The following ATF7IP variants were observed in gnomAD, a reference collection of about 807,000 sequenced individuals.
ATF7IP encodes activating transcription factor 7 interacting protein, also known as activating transcription factor 7-interacting protein 1.
Under a neutral mutation model 106.4 loss-of-function variants are expected in ATF7IP, and 23 were observed. The observed-to-expected ratio is 0.22, with a 90% CI of 0.16 to 0.31. ATF7IP has a LOEUF of 0.31. Ranked by LOEUF, ATF7IP falls within the 10% of genes least tolerant of loss-of-function variation. The pLI is 1.00. For missense variants in ATF7IP, 1,334 were observed against 1,524.3 expected, an observed-to-expected ratio of 0.88 and a Z score of 2.08; for synonymous variants, 542 against 539.0, an observed-to-expected ratio of 1.01 and a Z score of -0.08.
At chr12:14,472,802 A>G (rs746363823) in intron 10 of ATF7IP, among the ~76,000 whole-genome samples, 2 of 144,052 alleles carry the variant, frequency 1.4e-5, no homozygotes, top group Admixed American at 7.0e-5. Context: ...AGTCATCCAT[A>G]TATGTATATG....
At chr12:14,470,732 G>T (rs1390316991) in intron 10 of ATF7IP, among the ~76,000 whole-genome samples, 1 of 152,174 alleles carries the variant, frequency 6.6e-6, no homozygotes, top group Non-Finnish European at 1.5e-5. Context: ...AATTGGAGTA[G>T]TGCTAGCTAT....
chr12:14,453,301 A>T (rs534523804), intron 6 of ATF7IP, among the ~76,000 whole-genome samples: 73 of 152,188 alleles, frequency 4.8e-4, no homozygotes, highest in African/African-American at 1.5e-3. Context: ...GTCTTCCTTT[A>T]CTTCCCTTAT....
chr12:14,474,438 C>T (rs1321388654), intron 10 of ATF7IP, among the ~76,000 whole-genome samples: 6 of 147,150 alleles, frequency 4.1e-5, no homozygotes, highest in African/African-American at 1.3e-4. Flanking sequence ...TCTTGCTCTG[C>T]CACCTAGGCT....
chr12:14,382,929 T>C (rs1019876852), intron 1 of ATF7IP, among the ~76,000 whole-genome samples: 5 of 152,176 alleles, frequency 3.3e-5, no homozygotes, highest in South Asian at 2.1e-4. Flanking sequence ...TAGGGTAATA[T>C]AGGTTGAATC....
intron 1 of ATF7IP, among the ~76,000 whole-genome samples, chr12:14,384,205 T>C (rs1047263327): frequency 2.6e-5 from 4 of 152,132 alleles, no homozygotes; most frequent in Admixed American, 2.6e-4. Context: ...AGTAAATACC[T>C]ATATTTAGTG....
chr12:14,429,921 A>G (rs1173317649), intron 2 of ATF7IP, among the ~76,000 whole-genome samples: 2 of 152,196 alleles, frequency 1.3e-5, no homozygotes, highest in African/African-American at 2.4e-5. Flanking sequence ...TCAAATGAGT[A>G]CTGTTGTCCA....
At position 14,460,691 on chromosome 12, in the gene ATF7IP, G is replaced by A. The variant is rs751341304; in HGVS notation, c.2355G>A (p.Leu785=). 1 of 1,614,174 alleles carries A rather than the reference G, an allele frequency of 6.2e-7. No homozygotes were observed. Among genetic ancestry groups the A allele is most frequent in the South Asian group, 1.1e-5 (1 of 91,090 alleles). ...CTTTACAGCCTTTGCCAGTGATTTTGCATGTACCTGTTGCAGTATCCTCCC... is the reference window on the plus strand; with the variant it reads ...CTTTACAGCCTTTGCCAGTGATTTTACATGTACCTGTTGCAGTATCCTCCC... The part of the protein sequence containing the change: ...TISLQPLPVI[L]HVPVAVSSQP... Residue 785 remains leucine, a synonymous_variant, in exon 9 of 15, where the codon TTG becomes TTA. Transcript: ENST00000261168.
chr12:14,412,873 G>C (rs1375615658), intron 1 of ATF7IP, among the ~76,000 whole-genome samples: 1 of 152,040 alleles, frequency 6.6e-6, no homozygotes. Context: ...AATTAGCCAG[G>C]CTTGGTGGTT....
intron 1 of ATF7IP, among the ~76,000 whole-genome samples, chr12:14,369,939 ATT>A (rs112750396): frequency 6.5e-5 from 9 of 138,574 alleles, no homozygotes; most frequent in Admixed American, 1.5e-4. Context: ...GCATATGTTC[ATT>A]TTTTTTTTTT....
Position 14,457,274 on chromosome 12 carries a change from T to G in ATF7IP, c.2137T>G (p.Phe713Val). The G allele has an allele frequency of 6.2e-7, 1 of 1,611,822 alleles. No homozygotes were observed. The highest frequency in any genetic ancestry group is 1.3e-5 in the African/African-American group (1 of 74,890). The change falls in exon 8 of 15, where the codon TTT (phenylalanine) becomes GTT (valine). Residue 713 changes from phenylalanine (F) to valine (V), a missense_variant. By Grantham distance (50) the Phe-to-Val change is conservative (BLOSUM62 -1). Around this residue, in one of 10 missense-constraint regions of ATF7IP, gnomAD observed 171 missense variants for 172.6 expected, o/e 0.99. Transcript: ENST00000261168. ...TGTAAGCGAGAGTGCACCACCATCC[T>G]TTCAAACTCCTGTGAATACAGGTAA... The part of the protein sequence containing the change: ...RNVSESAPPS[F>V]QTPVNTVSST...
At chr12:14,441,206 G>A (rs1942677042) in intron 5 of ATF7IP, among the ~76,000 whole-genome samples, 1 of 152,040 alleles carries the variant, frequency 6.6e-6, no homozygotes, top group Admixed American at 6.6e-5. Context: ...CAATGTATGA[G>A]GGTTCCATTT....
At position 14,460,586 on chromosome 12, in the gene ATF7IP, G is replaced by A. The variant is rs139022855; in HGVS notation, c.2250G>A (p.Thr750=). 11 of 1,614,030 alleles carry A rather than the reference G, an allele frequency of 6.8e-6. No individual in the cohort carries two copies. Among genetic ancestry groups the A allele is most frequent in the Middle Eastern group, 1.6e-4 (1 of 6,084 alleles). The part of the protein sequence containing the change: ...TPVTSGSLTA[T]SVLPAPNTAT... The stretch of plus-strand genomic sequence containing the variant: ...TGACTTCGGGTTCCCTCACAGCAAC[G>A]TCAGTTCTTCCTGCACCCAATACAG... The change falls in exon 9 of 15, where the codon ACG becomes ACA. Residue 750 remains threonine (T), a synonymous_variant. Coordinates refer to ENST00000261168, the MANE Select transcript of ATF7IP (RefSeq NM_018179.5).
chr12:14,417,542 GA>G (rs1166027501), intron 1 of ATF7IP, among the ~76,000 whole-genome samples: 5 of 151,974 alleles, frequency 3.3e-5, no homozygotes, highest in African/African-American at 1.2e-4. Context: ...TTTTTAAAAA[GA>G]AATTTACATT....
chr12:14,369,417 TGA>T (rs879779274), intron 1 of ATF7IP: 32 of 152,178 alleles, frequency 2.1e-4, no homozygotes, highest in Admixed American at 1.4e-3. Context: ...TGCAGTGGTG[TGA>T]TTTTGGCTCA....
rs1326938550 is a variant in ATF7IP at position 14,424,823 on chromosome 12, T to C, written c.908T>C (p.Ile303Thr). The change falls in exon 2 of 15, where the codon ATT becomes ACT. Residue 303 changes from isoleucine to threonine, a missense_variant. Ile to Thr is a moderately conservative substitution (Grantham distance 89). Coordinates refer to ENST00000261168, the MANE Select transcript of ATF7IP (RefSeq NM_018179.5). The part of the protein sequence containing the change: ...SVPVCEPVPE[I>T]DNIEPSSNKD... ...CCAGTTTGTGAACCAGTTCCTGAAATTGACAATATAGAACCAAGTAGCAAT... is the reference window on the plus strand; with the variant it reads ...CCAGTTTGTGAACCAGTTCCTGAAACTGACAATATAGAACCAAGTAGCAAT... 4 of 1,614,026 alleles carry C rather than the reference T, an allele frequency of 2.5e-6. No homozygotes were observed. Among genetic ancestry groups the C allele is most frequent in the Non-Finnish European group, 3.4e-6 (4 of 1,180,004 alleles).
intron 1 of ATF7IP, among the ~76,000 whole-genome samples, chr12:14,423,086 G>A (rs763225167): frequency 6.6e-5 from 10 of 152,028 alleles, no homozygotes; most frequent in African/African-American, 1.7e-4. Context: ...CCGTCCTGTC[G>A]TGTGTGCAGT....
In ATF7IP at chr12:14,424,824, T is replaced by C. The variant is rs374719436; in HGVS notation, c.909T>C (p.Ile303=). The change falls in exon 2 of 15, where the codon ATT becomes ATC. Residue 303 remains isoleucine (I), a synonymous_variant. Transcript: ENST00000261168. ...CAGTTTGTGAACCAGTTCCTGAAAT[T>C]GACAATATAGAACCAAGTAGCAATA... The part of the protein sequence containing the change: ...SVPVCEPVPE[I]DNIEPSSNKD... 2 of 1,613,996 alleles carry C rather than the reference T, an allele frequency of 1.2e-6. No individual in the cohort carries two copies. The highest frequency in any genetic ancestry group is 2.2e-5 in the South Asian group (2 of 91,046).
At chr12:14,490,475 CTT>C (rs1944777384) in intron 13 of ATF7IP, among the ~76,000 whole-genome samples, 1 of 152,204 alleles carries the variant, frequency 6.6e-6, no homozygotes, top group African/African-American at 2.4e-5. Flanking sequence ...AGCCATTTCT[CTT>C]TCTAAGCAAA....
intron 5 of ATF7IP, among the ~76,000 whole-genome samples, chr12:14,442,117 C>T (rs1942741366): frequency 6.6e-6 from 1 of 152,040 alleles, no homozygotes; most frequent in African/African-American, 2.4e-5. Context: ...CCTTGTTTTG[C>T]AATTGATTTT....
Sources: gnomAD v4.1 joint callset for allele counts (sites outside exome capture counted in the v4.1 genomes callset) on GRCh38, gnomAD v4.1.1 for gene constraint, gnomAD v4.1.1 regional missense constraint, MANE v1.5 for transcripts, NCBI Gene and HGNC (gene_info 2026-07-23, HGNC 2026-07-21) for gene names.